The following SYNE1 variants were observed in gnomAD, a reference collection of about 807,000 sequenced individuals.
SYNE1 encodes the protein spectrin repeat containing nuclear envelope protein 1, also known as nesprin-1.
Under a neutral mutation model 1,111.0 loss-of-function variants are expected in SYNE1, and 616 were observed. The ratio of observed to expected loss-of-function variants is 0.55; its 90% confidence interval spans 0.52 to 0.59. The LOEUF is 0.59. Ranked by LOEUF, SYNE1 falls within the 20% of genes least tolerant of loss-of-function variation. The pLI is 0.00. For synonymous variants in SYNE1, 3,855 were observed against 3,825.8 expected (o/e 1.01, Z -0.28); for missense variants, 10,006 against 10,417.0 (o/e 0.96, Z 1.72).
chr6:152,511,531 A>G (rs2099084931), intron 6 of SYNE1: 5 of 1,596,524 alleles, frequency 3.1e-6, no homozygotes, highest in Non-Finnish European at 4.3e-6. Context: ...CCTTTTACCT[A>G]TAAAAATCAG....
chr6:152,578,868 G>A (rs1471113827), intron 3 of SYNE1, among the ~76,000 whole-genome samples: 1 of 151,804 alleles, frequency 6.6e-6, no homozygotes, highest in African/African-American at 2.4e-5. Flanking sequence ...AACAGTAAGA[G>A]CCATCTTTTG....
intron 73 of SYNE1, among the ~76,000 whole-genome samples, chr6:152,346,270 G>A (rs967483945): frequency 6.6e-6 from 1 of 152,004 alleles, no homozygotes; most frequent in Non-Finnish European, 1.5e-5. Flanking sequence ...ACGTTCAAGC[G>A]ATTCTGCTGC....
At chr6:152,147,943 A>T in intron 137 of SYNE1, 102 bp downstream of exon 137, 1 of 1,066,978 alleles carries the variant, frequency 9.4e-7, no homozygotes, top group Non-Finnish European at 1.4e-6. Flanking sequence ...CCCGCATGAA[A>T]GAAGGAAGCA....
rs767302082 is a variant in SYNE1 at position 152,152,027 on chromosome 6, C to T, written c.24244G>A (p.Val8082Ile). ...TCCCATCTCTGGTTGCCTTCGTGAA[C>T]CATCTGTTTGAGGCTACATGCTGAA... Reference protein sequence around the residue: ...TDSACSLKQMVHEGNQRWDNL... With the variant: ...TDSACSLKQMIHEGNQRWDNL... Residue 8082 changes from valine (V) to isoleucine (I), a missense_variant, in exon 134 of 146, where the codon GTT (valine) becomes ATT (isoleucine). This residue lies in a region of SYNE1 where 2,182 missense variants were observed against 2,287.8 expected (regional missense o/e 0.95). Transcript: ENST00000367255. 12 of 1,614,076 alleles carry T rather than the reference C, an allele frequency of 7.4e-6. No homozygotes were observed. Among genetic ancestry groups the T allele is most frequent in the Non-Finnish European group, 1.0e-5 (12 of 1,180,046 alleles).
chr6:152,255,646 A>C lies in SYNE1; in HGVS notation c.19205T>G (p.Phe6402Cys). 6.2e-7 allele frequency: 1 copy of C among 1,614,258 alleles called. No individual in the cohort carries two copies. Among genetic ancestry groups the C allele is most frequent in the Non-Finnish European group, 8.5e-7 (1 of 1,180,038 alleles). Residue 6402 changes from phenylalanine (F) to cysteine (C), a missense_variant, in exon 103 of 146, where the codon TTT (phenylalanine) becomes TGT (cysteine). Phe to Cys is a radical substitution (Grantham distance 205). This residue lies in a region of SYNE1 where 2,182 missense variants were observed against 2,287.8 expected (regional missense o/e 0.95). Transcript: ENST00000367255. ...TTCTGGTAAAAGTGCTGTGGCAACA[A>C]ATAAACGTTCTTCAACGTCATCCAA... ...TWLDDVEERLFVATALLPEET... is the reference protein window; with the variant it reads ...TWLDDVEERLCVATALLPEET...
rs200346917 is a variant in SYNE1, at chr6:152,148,155, T to A, written c.24866A>T (p.Tyr8289Phe). 6.2e-7 allele frequency: 1 copy of A among 1,614,208 alleles called. No individual in the cohort carries two copies. Among genetic ancestry groups the A allele is most frequent in the South Asian group, 1.1e-5 (1 of 91,084 alleles). Reference sequence around the variant, plus strand: ...AGACTCCAGGTCCCGACTGAGGTCATAGTCGTGATCCCACTCCAGGGGGAT... The same window carrying A: ...AGACTCCAGGTCCCGACTGAGGTCAAAGTCGTGATCCCACTCCAGGGGGAT... ...DSIPLEWDHD[Y>F]DLSRDLESAM... Residue 8289 changes from tyrosine (Y) to phenylalanine (F), a missense_variant, in exon 137 of 146, where the codon TAT becomes TTT. Tyr to Phe is a conservative substitution (Grantham distance 22). Around this residue, in one of 7 missense-constraint regions of SYNE1, gnomAD observed 761 missense variants for 795.5 expected, o/e 0.96. Coordinates refer to ENST00000367255, the MANE Select transcript of SYNE1 (RefSeq NM_182961.4). This position sits in a 1 kb window ranked among gnomAD's most constrained non-coding sequence, Gnocchi z 4.1.
intron 58 of SYNE1, among the ~76,000 whole-genome samples, chr6:152,373,807 T>C (rs1434018575): frequency 6.6e-6 from 1 of 152,064 alleles, no homozygotes; most frequent in Non-Finnish European, 1.5e-5. Context: ...AGCTGTAAAA[T>C]AAAATAAACT....
intron 107 of SYNE1, 64 bp downstream of exon 107, chr6:152,242,176 A>T (rs1344825057): frequency 7.2e-7 from 1 of 1,380,634 alleles, no homozygotes; most frequent in Admixed American, 1.7e-5. Context: ...CTAAATATAT[A>T]TCAGGGTTTG....
chr6:152,568,107 A>T (rs2099422217), intron 3 of SYNE1, among the ~76,000 whole-genome samples: 1 of 152,072 alleles, frequency 6.6e-6, no homozygotes, highest in African/African-American at 2.4e-5. Flanking sequence ...CTACCTGAAA[A>T]TATAGTAAAT....
At position 152,331,605 on chromosome 6, in the gene SYNE1, T is replaced by C. The variant is rs560847876; in HGVS notation, c.13080A>G (p.Ala4360=). ...QSRFQELMEW[A]EEQQPNIAEA... is the part of the protein sequence containing the mutation. ...CGGCGATGTTGGGTTGTTGCTCTTC[T>C]GCCCACTCCATTAGCTCCTGAAATC... The change falls in exon 78 of 146, where the codon GCA becomes GCG. Residue 4360 remains alanine (A), a synonymous_variant. Coordinates refer to ENST00000367255, the MANE Select transcript of SYNE1 (RefSeq NM_182961.4). The C allele has an allele frequency of 6.2e-7, 1 of 1,614,210 alleles. No individual in the cohort carries two copies. Among genetic ancestry groups the C allele is most frequent in the South Asian group, 1.1e-5 (1 of 91,082 alleles).
intron 4 of SYNE1, 84 bp from the exon 5 acceptor site, chr6:152,526,259 T>C (rs1269993686): frequency 2.8e-6 from 4 of 1,403,610 alleles, no homozygotes; most frequent in South Asian, 2.3e-5. Context: ...TTGTTACTTA[T>C]GGTGGTGAAA....
chr6:152,326,316 G>A lies in SYNE1; in HGVS notation c.15273C>T (p.Ala5091=). 1.9e-6 allele frequency: 3 copies of A among 1,614,074 alleles called. No individual in the cohort carries two copies. The highest frequency in any genetic ancestry group is 2.5e-6 in the Non-Finnish European group (3 of 1,180,000). The change falls in exon 79 of 146, where the codon GCC becomes GCT. Residue 5091 remains alanine, a synonymous_variant. Transcript: ENST00000367255. ...AATACCTCTGCAAGAGATCCACTTG[G>A]GCACCAGAGTCCCGGCTCATCCTCT... The part of the protein sequence containing the change: ...RSQRMSRDSG[A]QVDLLQRCTA...
chr6:152,152,068 C>T lies in SYNE1; in HGVS notation c.24203G>A (p.Arg8068Lys), dbSNP rs1337746052. The T allele has an allele frequency of 6.2e-7, 1 of 1,614,226 alleles. No homozygotes were observed. The highest frequency in any genetic ancestry group is 8.5e-7 in the Non-Finnish European group (1 of 1,180,044). The stretch of plus-strand genomic sequence containing the variant: ...ACATGCTGAATCAGTGCGGTTCTCC[C>T]TGGCCAGGCGGCGGTACTGCTTGTT... ...LINKQYRRLA[R>K]ENRTDSACSL... The change falls in exon 134 of 146, where the codon AGG (arginine) becomes AAG (lysine). Residue 8068 changes from arginine to lysine, a missense_variant. Physicochemically the swap from Arg to Lys is conservative, Grantham distance 26 (BLOSUM62 2). Around this residue, in one of 7 missense-constraint regions of SYNE1, gnomAD observed 2,182 missense variants for 2,287.8 expected, o/e 0.95. Coordinates refer to ENST00000367255, the MANE Select transcript of SYNE1 (RefSeq NM_182961.4).
At chr6:152,542,903 T>C (rs556132338) in intron 3 of SYNE1, among the ~76,000 whole-genome samples, 151 of 152,258 alleles carry the variant, frequency 9.9e-4, no homozygotes, top group African/African-American at 3.5e-3. Flanking sequence ...ACAGTTAGAT[T>C]ATATGTAAAT....
chr6:152,525,326 T>C (rs1345003534), intron 5 of SYNE1, among the ~76,000 whole-genome samples: 1 of 152,178 alleles, frequency 6.6e-6, no homozygotes. Flanking sequence ...AAATGGACTT[T>C]CAATTTTGGA....
chr6:152,420,856 C>A (rs976703839), intron 39 of SYNE1, among the ~76,000 whole-genome samples: 1 of 152,140 alleles, frequency 6.6e-6, no homozygotes, highest in African/African-American at 2.4e-5. Flanking sequence ...GCAAACTACA[C>A]TTCTGTGAGC....
intron 66 of SYNE1, 65 bp downstream of exon 66, chr6:152,358,308 G>C: frequency 6.2e-7 from 1 of 1,607,596 alleles, no homozygotes; most frequent in Non-Finnish European, 8.5e-7. Context: ...ACTTCCTATT[G>C]CCTAAAATAA....
At chr6:152,487,123 T>C (rs565378792) in intron 12 of SYNE1, among the ~76,000 whole-genome samples, 10 of 152,310 alleles carry the variant, frequency 6.6e-5, no homozygotes, top group African/African-American at 2.4e-4. Flanking sequence ...TCATGTGCCA[T>C]GGTGGTTTGC....
intron 140 of SYNE1, 83 bp from the exon 141 acceptor site, chr6:152,136,901 A>C (rs1402695721): frequency 3.3e-6 from 5 of 1,499,100 alleles, no homozygotes; most frequent in Non-Finnish European, 4.6e-6. Context: ...ATGAATGAAA[A>C]GATCCATTAA....
Sources: gnomAD v4.1 joint callset for allele counts (sites outside exome capture counted in the v4.1 genomes callset) on GRCh38, gnomAD v4.1.1 for gene constraint, gnomAD v4.1.1 regional missense constraint, Gnocchi (gnomAD v3.1) non-coding constraint, MANE v1.5 for transcripts, NCBI Gene and HGNC (gene_info 2026-07-23, HGNC 2026-07-21) for gene names.